The following ROBO1 variants were observed in gnomAD, a reference collection of about 807,000 sequenced individuals.
ROBO1 encodes roundabout homolog 1.
ROBO1 carries 149 observed loss-of-function variants against 195.9 expected under a neutral mutation model. The ratio of observed to expected loss-of-function variants is 0.76; its 90% confidence interval spans 0.67 to 0.87. ROBO1 has a LOEUF of 0.87. Among genes scored for constraint, ROBO1 ranks in the 40% least tolerant of loss-of-function variants. The pLI, the probability that ROBO1 is intolerant of heterozygous loss-of-function variation, is 0.00. For missense variants in ROBO1, 1,933 were observed against 2,068.3 expected (o/e 0.93, Z 1.27); for synonymous variants, 816 against 733.2 (o/e 1.11, Z -1.82).
At chr3:79,310,722 C>A (rs2109092954) in intron 2 of ROBO1, among the ~76,000 whole-genome samples, 1 of 152,200 alleles carries the variant, frequency 6.6e-6, no homozygotes, top group East Asian at 1.9e-4. Context: ...ATCAAAATAT[C>A]ACAAGTACCC....
intron 4 of ROBO1, among the ~76,000 whole-genome samples, chr3:78,935,668 A>T (rs1450694531): frequency 6.6e-6 from 1 of 152,074 alleles, no homozygotes; most frequent in African/African-American, 2.4e-5. Context: ...TTGAAATTGA[A>T]TTAGACAAAT....
chr3:78,650,851 A>C (rs1706602564), intron 19 of ROBO1, among the ~76,000 whole-genome samples: 1 of 152,148 alleles, frequency 6.6e-6, no homozygotes, highest in Non-Finnish European at 1.5e-5. Flanking sequence ...CTAATGACAT[A>C]AACTGGGGTG....
chr3:79,325,974 G>T lies in ROBO1; in HGVS notation c.89-200435C>A, dbSNP rs868580767. Among the ~76,000 whole-genome samples, 4 of 152,224 alleles carry T rather than the reference G, an allele frequency of 2.6e-5. No homozygotes were observed. The South Asian group carries it at 8.3e-4, about 32-fold the overall frequency. On this transcript the variant is annotated intron_variant, in intron 2 of 30. Coordinates refer to ENST00000464233, the MANE Select transcript of ROBO1 (RefSeq NM_002941.4). The stretch of plus-strand genomic sequence containing the variant: ...TCCCTGGGAAAGAGAATATGCGCCT[G>T]GGGGTGGGTCTATAGATGGCCCCCC...
intron 4 of ROBO1, among the ~76,000 whole-genome samples, chr3:78,761,713 T>A (rs2083109918): frequency 6.6e-6 from 1 of 152,186 alleles, no homozygotes. Context: ...ATTTTAATCA[T>A]GCATATTTTA....
At chr3:79,574,233 C>A (rs1943373537) in intron 2 of ROBO1, among the ~76,000 whole-genome samples, 2 of 152,012 alleles carry the variant, frequency 1.3e-5, no homozygotes, top group African/African-American at 4.8e-5. Context: ...CATTTTAATA[C>A]AGCACTTTCA....
intron 1 of ROBO1, among the ~76,000 whole-genome samples, chr3:79,709,410 T>G (rs961347174): frequency 6.6e-6 from 1 of 152,110 alleles, no homozygotes; most frequent in African/African-American, 2.4e-5. Flanking sequence ...TTTTAGCAAC[T>G]ATGTGTACAA....
intron 1 of ROBO1, among the ~76,000 whole-genome samples, chr3:79,649,650 T>C (rs1335119661): frequency 6.6e-6 from 1 of 152,050 alleles, no homozygotes; most frequent in East Asian, 1.9e-4. Context: ...CTTGAATGGA[T>C]GAAGGAATAC....
intron 3 of ROBO1, among the ~76,000 whole-genome samples, chr3:78,978,663 G>A (rs1403537259): frequency 1.3e-5 from 2 of 152,098 alleles, no homozygotes; most frequent in East Asian, 3.9e-4. Context: ...TTCTGCTGGT[G>A]CAGAGCCTTG....
At chr3:78,874,510 T>C (rs2035726502) in intron 4 of ROBO1, among the ~76,000 whole-genome samples, 1 of 151,894 alleles carries the variant, frequency 6.6e-6, no homozygotes, top group Non-Finnish European at 1.5e-5. Context: ...ATAGTTACAA[T>C]ATGAGGTCTT....
At chr3:79,624,336 C>T (rs1015665095) in intron 1 of ROBO1, among the ~76,000 whole-genome samples, 1 of 152,134 alleles carries the variant, frequency 6.6e-6, no homozygotes, top group Non-Finnish European at 1.5e-5. Context: ...GGATCAAATA[C>T]ATACATAACA....
At chr3:79,402,018 G>C (rs950897018) in intron 2 of ROBO1, among the ~76,000 whole-genome samples, 1 of 151,590 alleles carries the variant, frequency 6.6e-6, no homozygotes, top group Non-Finnish European at 1.5e-5. Flanking sequence ...TTTGTTAAAC[G>C]CATTTTGATT....
At chr3:79,521,699 T>C (rs1941216163) in intron 2 of ROBO1, among the ~76,000 whole-genome samples, 1 of 152,186 alleles carries the variant, frequency 6.6e-6, no homozygotes, top group Non-Finnish European at 1.5e-5. Flanking sequence ...TTTTAGCAGA[T>C]GTTTTGAAAA....
At chr3:78,817,178 A>G (rs1174126715) in intron 4 of ROBO1, among the ~76,000 whole-genome samples, 1 of 152,040 alleles carries the variant, frequency 6.6e-6, no homozygotes, top group African/African-American at 2.4e-5. Context: ...TTGTTGTCTT[A>G]TTTTAAGAAA....
At chr3:79,116,210 A>G (rs2108546630) in intron 3 of ROBO1, among the ~76,000 whole-genome samples, 1 of 152,118 alleles carries the variant, frequency 6.6e-6, no homozygotes, top group East Asian at 1.9e-4. Context: ...ATGGCTTAGT[A>G]TTTGCATATA....
At chr3:79,531,989 A>G (rs1941680999) in intron 2 of ROBO1, among the ~76,000 whole-genome samples, 1 of 152,130 alleles carries the variant, frequency 6.6e-6, no homozygotes, top group Admixed American at 6.6e-5. Context: ...GATCTGTTTG[A>G]GAGAGAATTT....
At chr3:79,550,195 G>GAAAGAAAGGAAAAGAAAA in intron 2 of ROBO1, among the ~76,000 whole-genome samples, 39 of 100,838 alleles carry the variant, frequency 3.9e-4, no homozygotes, top group African/African-American at 1.7e-3. Flanking sequence ...AAGAAAGAAA[G>GAAAGAAAGGAAAAGAAAA]GAAAAGAAAA....
At chr3:79,724,431 C>G (rs1702827775) in intron 1 of ROBO1, among the ~76,000 whole-genome samples, 1 of 152,214 alleles carries the variant, frequency 6.6e-6, no homozygotes, top group East Asian at 1.9e-4. Flanking sequence ...TAACTTGCTT[C>G]TAATCAACAG....
intron 1 of ROBO1, among the ~76,000 whole-genome samples, chr3:79,607,353 G>T (rs1004501413): frequency 3.3e-5 from 5 of 151,146 alleles, no homozygotes; most frequent in Non-Finnish European, 7.4e-5. Context: ...AAAATCAATT[G>T]CTCTCATAGC....
At chr3:78,624,244 ACATAGAT>A (rs1325386338) in intron 26 of ROBO1, among the ~76,000 whole-genome samples, 1 of 152,200 alleles carries the variant, frequency 6.6e-6, no homozygotes, top group Non-Finnish European at 1.5e-5. Context: ...TTTTTTGATT[ACATAGAT>A]CACTGGGACT....
Sources: gnomAD v4.1 joint callset for allele counts (sites outside exome capture counted in the v4.1 genomes callset) on GRCh38, gnomAD v4.1.1 for gene constraint, MANE v1.5 for transcripts, NCBI Gene and HGNC (gene_info 2026-07-23, HGNC 2026-07-21) for gene names.